The following QRICH2 variants were observed in gnomAD, a reference collection of about 807,000 sequenced individuals.
QRICH2 encodes the protein glutamine-rich protein 2.
QRICH2 carries 119 observed loss-of-function variants against 168.3 expected under a neutral mutation model. The ratio of observed to expected loss-of-function variants is 0.71; its 90% confidence interval spans 0.61 to 0.82. The LOEUF is 0.82. Among genes scored for constraint, QRICH2 ranks in the 40% least tolerant of loss-of-function variants. The pLI is 0.00. For synonymous variants in QRICH2, 894 were observed against 951.2 expected, an observed-to-expected ratio of 0.94 and a Z score of 1.11; for missense variants, 2,241 against 2,491.6, an observed-to-expected ratio of 0.90 and a Z score of 2.14.
intron 3 of QRICH2, among the ~76,000 whole-genome samples, chr17:76,299,685 C>T (rs1243179568): frequency 1.3e-5 from 2 of 151,734 alleles, no homozygotes; most frequent in African/African-American, 4.8e-5. Context: ...TGCAGTGAGC[C>T]AAGATTGCGC....
At chr17:76,278,319 T>C in intron 14 of QRICH2, 130 bp from the exon 15 acceptor site, 4 of 826,518 alleles carry the variant, frequency 4.8e-6, no homozygotes, top group Non-Finnish European at 7.7e-6. Flanking sequence ...GCTGGGCAGC[T>C]TGACCCCTCA....
At position 76,293,983 on chromosome 17, in the gene QRICH2, C is replaced by T. The variant is rs367583845; in HGVS notation, c.744G>A (p.Gly248=). Residue 248 remains glycine, a synonymous_variant, in exon 4 of 19, where the codon GGG becomes GGA. Transcript: ENST00000680821. ...CTTCAGGTGATGTTAAGGAAGTGAA[C>T]CCTCCGTGCTTAGAAAATCCCATAA... ...ETLMGFSKHG[G]FTSLTSPEGT... The T allele has an allele frequency of 1.9e-6, 3 of 1,611,690 alleles. No individual in the cohort carries two copies. Among genetic ancestry groups the T allele is most frequent in the African/African-American group, 2.7e-5 (2 of 74,824 alleles).
intron 7 of QRICH2, among the ~76,000 whole-genome samples, chr17:76,284,236 T>A (rs1598483258): frequency 7.5e-6 from 1 of 134,154 alleles, no homozygotes; most frequent in Non-Finnish European, 1.5e-5. Flanking sequence ...CTTGGCCCAG[T>A]GGCTTTTCCT....
At chr17:76,308,571 G>A (rs1226681133), upstream of QRICH2, 2 of 807,122 alleles carry the variant, frequency 2.5e-6, no homozygotes, top group Admixed American at 6.2e-5. Flanking sequence ...CATGTCTATG[G>A]CCCCATGTCT....
intron 4 of QRICH2, among the ~76,000 whole-genome samples, chr17:76,290,585 C>T (rs1015394711): frequency 2.6e-5 from 4 of 151,940 alleles, no homozygotes; most frequent in Non-Finnish European, 4.4e-5. Flanking sequence ...TAGAGTTTTG[C>T]CACATTGCCT....
upstream of QRICH2, chr17:76,308,555 T>A (rs1279198276): frequency 7.6e-6 from 7 of 918,192 alleles, no homozygotes; most frequent in Non-Finnish European, 9.1e-6. Flanking sequence ...TCCAGAGTGG[T>A]GGCCCCATGT....
chr17:76,289,061 G>A (rs564931498), intron 5 of QRICH2, among the ~76,000 whole-genome samples: 10 of 147,728 alleles, frequency 6.8e-5, no homozygotes, highest in African/African-American at 7.6e-5. Context: ...CCGAGATTGC[G>A]CCACTGTACT....
chr17:76,294,853 G>A lies in QRICH2; in HGVS notation c.706-832C>T, dbSNP rs1281672743. ...AGTGTAATTTTTCTTCATAAAAGATGGGGAAAACTGCAAAATACAAGTGAT... is the reference window on the plus strand; with the variant it reads ...AGTGTAATTTTTCTTCATAAAAGATAGGGAAAACTGCAAAATACAAGTGAT... On this transcript the variant is annotated intron_variant, in intron 3 of 18. Coordinates refer to ENST00000680821, the MANE Select transcript of QRICH2 (RefSeq NM_001388453.1). Among the ~76,000 whole-genome samples, 6 of 150,974 alleles carry A rather than the reference G, an allele frequency of 4.0e-5. No individual in the cohort carries two copies. In the East Asian group the frequency reaches 1.2e-3, roughly 29 times the overall value.
chr17:76,308,709 T>C (rs929077490), upstream of QRICH2, among the ~76,000 whole-genome samples: 2 of 152,114 alleles, frequency 1.3e-5, no homozygotes, highest in Admixed American at 6.5e-5. Flanking sequence ...ACTAGATGAC[T>C]AACTGGTGGC....
chr17:76,279,563 G>A (rs971392509), intron 12 of QRICH2, 135 bp from the exon 13 acceptor site: 1 of 684,080 alleles, frequency 1.5e-6, no homozygotes, highest in South Asian at 1.8e-5. Flanking sequence ...GAATCCATCT[G>A]CTCCCACCTC....
Position 76,307,766 on chromosome 17 carries a change from T to G in QRICH2, c.233A>C (p.Glu78Ala). The change falls in exon 1 of 19, where the codon GAG becomes GCG. Residue 78 changes from glutamate (E) to alanine (A), a missense_variant. Glu to Ala is a moderately radical substitution (Grantham distance 107). Coordinates refer to ENST00000680821, the MANE Select transcript of QRICH2 (RefSeq NM_001388453.1). This position sits in a 1 kb window ranked among gnomAD's most constrained non-coding sequence, Gnocchi z 5.3. ...FSIPHLPAPK[E>A]VPKGAPREKR... ...CTCCCGGGGCGCCCCCTTGGGCACC[T>G]CCTTGGGCGCGGGCAGGTGCGGGAT... 1.4e-6 allele frequency: 2 copies of G among 1,383,842 alleles called. No individual in the cohort carries two copies. Among genetic ancestry groups the G allele is most frequent in the Non-Finnish European group, 1.9e-6 (2 of 1,072,958 alleles). The allele number at this position is 1,383,842 out of a possible 1,614,324, so 85.7% of individuals were successfully genotyped here.
intron 16 of QRICH2, 23 bp downstream of exon 16, chr17:76,277,140 G>A: frequency 6.5e-7 from 1 of 1,529,152 alleles, no homozygotes; most frequent in Non-Finnish European, 8.7e-7. Flanking sequence ...TCCCTCCCTG[G>A]TGGCTCCAGG....
chr17:76,305,165 CTTTTT>C (rs371179936), intron 1 of QRICH2, among the ~76,000 whole-genome samples: 5 of 129,998 alleles, frequency 3.8e-5, no homozygotes, highest in African/African-American at 1.5e-4. Flanking sequence ...TTTTGGTTTC[CTTTTT>C]TTTTTTTTTT....
chr17:76,291,903 C>T lies in QRICH2; in HGVS notation c.2824G>A (p.Val942Ile), dbSNP rs1312268938. Residue 942 changes from valine (V) to isoleucine (I), a missense_variant, in exon 4 of 19, where the codon GTA becomes ATA. Val to Ile is a conservative substitution (Grantham distance 29). This residue lies in a region of QRICH2 where 2,047 missense variants were observed against 2,303.8 expected (regional missense o/e 0.89). Transcript: ENST00000680821. ...VQPGAYPLGL[V>I]QPGAYLHDLS... is the part of the protein sequence containing the mutation. ...TCATGCAAATATGCACCAGGTTGTA[C>T]CAAACCAAGAGGATAGGCACCAGGT... 1.2e-6 allele frequency: 2 copies of T among 1,614,140 alleles called. No homozygotes were observed. Among genetic ancestry groups the T allele is most frequent in the South Asian group, 1.1e-5 (1 of 91,084 alleles).
chr17:76,297,868 C>CTTTTTTTTTTTTT (rs1344325680), intron 3 of QRICH2, among the ~76,000 whole-genome samples: 1 of 95,968 alleles, frequency 1.0e-5, no homozygotes, highest in African/African-American at 4.4e-5. Context: ...ACTTAGGAAT[C>CTTTTTTTTTTTTT]TGTTTTTTTT....
intron 14 of QRICH2, 80 bp from the exon 15 acceptor site, chr17:76,278,269 C>A: frequency 6.8e-7 from 1 of 1,462,244 alleles, no homozygotes; most frequent in Non-Finnish European, 9.4e-7. Context: ...TCCTTCAGTT[C>A]CGGGTCCCTT....
chr17:76,290,813 C>T (rs1007454551), intron 4 of QRICH2, among the ~76,000 whole-genome samples: 8 of 152,178 alleles, frequency 5.3e-5, no homozygotes, highest in Admixed American at 2.0e-4. Flanking sequence ...CCGCTCCACT[C>T]CTCTCCTGGG....
intron 18 of QRICH2, 150 bp from the exon 19 acceptor site, chr17:76,274,410 G>A (rs2143090107): frequency 6.6e-6 from 2 of 301,406 alleles, no homozygotes; most frequent in Non-Finnish European, 9.8e-6. Context: ...GGGGCCGGGG[G>A]GCACGGCGCA....
upstream of QRICH2, chr17:76,310,899 A>AT: frequency 6.6e-6 from 1 of 152,068 alleles, no homozygotes; most frequent in Non-Finnish European, 1.5e-5. Context: ...TTCTGTATCC[A>AT]TGGTCTTCTG....
Sources: gnomAD v4.1 joint callset for allele counts (sites outside exome capture counted in the v4.1 genomes callset) on GRCh38, gnomAD v4.1.1 for gene constraint, gnomAD v4.1.1 regional missense constraint, Gnocchi (gnomAD v3.1) non-coding constraint, MANE v1.5 for transcripts, NCBI Gene and HGNC (gene_info 2026-07-23, HGNC 2026-07-21) for gene names.